Variants in ARL6IP4 observed in about 807,000 individuals in gnomAD.
ARL6IP4 encodes ARF like GTPase 6 interacting protein 4.
Under a neutral mutation model 28.1 loss-of-function variants are expected in ARL6IP4, and 24 were observed. That is an observed-to-expected ratio of 0.86 (90% CI 0.62 to 1.20). The LOEUF (loss-of-function observed/expected upper bound fraction) is 1.20, where lower values mean the gene tolerates loss of function less well. ARL6IP4 is among the 50% of genes most tolerant of loss of function. ARL6IP4 has a pLI of 0.00. For synonymous variants in ARL6IP4, 162 were observed against 122.3 expected (o/e 1.32, Z -2.14); for missense variants, 343 against 302.4 (o/e 1.13, Z -1.00).
chr12:122,982,697 C>T lies in ARL6IP4; in HGVS notation c.*21C>T. The T allele has an allele frequency of 1.2e-6, 2 of 1,611,074 alleles. No individual in the cohort carries two copies. The highest frequency in any genetic ancestry group is 2.2e-5 in the East Asian group (1 of 44,870). ...CCTGAGGGCCCCCGCTGGCCAAGGC[C>T]TGTGGACGACGCTGGCGGCCCAGCC... On this transcript the variant is annotated 3_prime_UTR_variant, in exon 6 of 6. Transcript: ENST00000315580.
rs774186484 is a variant in ARL6IP4, at chr12:122,982,728, A to G, written c.*52A>G. 1.3e-6 allele frequency: 2 copies of G among 1,582,462 alleles called. No homozygotes were observed. The highest frequency in any genetic ancestry group is 1.7e-6 in the Non-Finnish European group (2 of 1,156,502). ...ACGACGCTGGCGGCCCAGCCTGGGC[A>G]GGTTTCAGGGTGCCAGTGGGAAGCC... is the stretch of plus-strand genomic sequence containing the variant. On this transcript the variant is annotated 3_prime_UTR_variant, in exon 6 of 6. Coordinates refer to ENST00000315580, the MANE Select transcript of ARL6IP4 (RefSeq NM_018694.4).
upstream of ARL6IP4, chr12:122,980,672 G>C: frequency 2.2e-6 from 3 of 1,356,780 alleles, no homozygotes; most frequent in Non-Finnish European, 2.8e-6. Flanking sequence ...CAGCGCCCCG[G>C]CCGGAAGCCT....
At chr12:122,980,848 C>CG (rs2037613105) in intron 1 of ARL6IP4, 103 bp downstream of exon 1, 1 of 1,332,214 alleles carries the variant, frequency 7.5e-7, no homozygotes, top group Non-Finnish European at 9.5e-7. Context: ...AGACGCCACT[C>CG]GCGGCGGACG....
At position 122,981,130 on chromosome 12, in the gene ARL6IP4, C is replaced by G. The variant is rs1304779341; in HGVS notation, c.-10C>G. Reference sequence around the variant, plus strand: ...CAAGCGCGTCTTCTTCGTCGCCAGCCCGCGGCGCCATGGCTCACGTCGGCT... The same window carrying G: ...CAAGCGCGTCTTCTTCGTCGCCAGCGCGCGGCGCCATGGCTCACGTCGGCT... On this transcript the variant is annotated splice_region_variant and 5_prime_UTR_variant, in exon 2 of 6. Transcript: ENST00000315580. 3 of 1,547,816 alleles carry G rather than the reference C, an allele frequency of 1.9e-6. No individual in the cohort carries two copies. The highest frequency in any genetic ancestry group is 4.9e-5 in the East Asian group (2 of 40,680).
chr12:122,982,649 C>T lies in ARL6IP4; in HGVS notation c.687C>T (p.Phe229=), dbSNP rs1049906103. The part of the protein sequence containing the change: ...KQATRGDCLA[F]QMRAGLLP ...CCACCCGAGGGGACTGCCTGGCCTT[C>T]CAGATGCGAGCTGGGTTGCTTCCCT... The change falls in exon 6 of 6, where the codon TTC becomes TTT. Residue 229 remains phenylalanine (F), a synonymous_variant. Coordinates refer to ENST00000315580, the MANE Select transcript of ARL6IP4 (RefSeq NM_018694.4). 3.1e-6 allele frequency: 5 copies of T among 1,613,928 alleles called. No individual in the cohort carries two copies. The African/African-American group carries it at 5.3e-5, about 17-fold the overall frequency.
Position 122,981,117 on chromosome 12 carries a change from C to A in ARL6IP4, c.-11-12C>A. 1 of 1,546,836 alleles carries A rather than the reference C, an allele frequency of 6.5e-7. No individual in the cohort carries two copies. Among genetic ancestry groups the A allele is most frequent in the Non-Finnish European group, 8.7e-7 (1 of 1,145,490 alleles). ...GGGGGCTTCGGCTCAAGCGCGTCTTCTTCGTCGCCAGCCCGCGGCGCCATG... is the reference window on the plus strand; with the variant it reads ...GGGGGCTTCGGCTCAAGCGCGTCTTATTCGTCGCCAGCCCGCGGCGCCATG... On this transcript the variant is annotated splice_polypyrimidine_tract_variant and intron_variant, in intron 1 of 5. Transcript: ENST00000315580.
chr12:122,980,577 G>A (rs1185967759), upstream of ARL6IP4: 1 of 1,377,708 alleles, frequency 7.3e-7, no homozygotes, highest in East Asian at 3.0e-5. Flanking sequence ...TGCCTCTGCG[G>A]GAGGTGGGCG....
In ARL6IP4 at chr12:122,982,895, G is replaced by GC; in HGVS notation, c.*224dup. The GC allele has an allele frequency of 1.7e-6, 1 of 603,484 alleles. No individual in the cohort carries two copies. The highest frequency in any genetic ancestry group is 2.9e-6 in the Non-Finnish European group (1 of 339,738). 37.4% of individuals were successfully genotyped at this position (603,484 alleles called of 1,614,324 possible). A position where few individuals can be genotyped will look rare whatever the true frequency, so the allele number is the denominator to read the frequency against. On this transcript the variant is annotated 3_prime_UTR_variant, in exon 6 of 6. Coordinates refer to ENST00000315580, the MANE Select transcript of ARL6IP4 (RefSeq NM_018694.4). ...GAGCAGCACTTCTCAGCTATTAAAG[G>GC]CCCCCTGGATAGACTTTCTCTGTTC...
Position 122,980,684 on chromosome 12 carries a change from C to T in ARL6IP4, c.-73C>T. 3.0e-6 allele frequency: 4 copies of T among 1,343,790 alleles called. No individual in the cohort carries two copies. Among genetic ancestry groups the T allele is most frequent in the Non-Finnish European group, 3.8e-6 (4 of 1,053,510 alleles). The allele number at this position is 1,343,790 out of a possible 1,614,324, so 83.2% of individuals were successfully genotyped here. On this transcript the variant is annotated 5_prime_UTR_variant, in exon 1 of 6. Coordinates refer to ENST00000315580, the MANE Select transcript of ARL6IP4 (RefSeq NM_018694.4). ...GCGCAGCGCCCCGGCCGGAAGCCTC[C>T]TCGCCGCCGCTTCCTCTCGAGAAGG...
upstream of ARL6IP4, chr12:122,980,234 G>A (rs181472711): frequency 1.6e-6 from 2 of 1,234,068 alleles, no homozygotes; most frequent in Non-Finnish European, 2.0e-6. Context: ...AGCTGGAGCA[G>A]AATCCTGGCT....
rs756027723 is a variant in ARL6IP4, at chr12:122,982,704, C to T, written c.*28C>T. ...GCCCCCGCTGGCCAAGGCCTGTGGA[C>T]GACGCTGGCGGCCCAGCCTGGGCAG... On this transcript the variant is annotated 3_prime_UTR_variant, in exon 6 of 6. Transcript: ENST00000315580. The T allele has an allele frequency of 2.4e-5, 38 of 1,607,274 alleles. No homozygotes were observed. Among genetic ancestry groups the T allele is most frequent in the Middle Eastern group, 1.8e-4 (1 of 5,456 alleles).
intron 1 of ARL6IP4, 153 bp downstream of exon 1, chr12:122,980,898 G>C: frequency 1.5e-6 from 2 of 1,360,338 alleles, no homozygotes; most frequent in Non-Finnish European, 1.9e-6. Context: ...GTGCGCAGGC[G>C]TGGGGCCTCC....
chr12:122,982,866 G>A lies in ARL6IP4; in HGVS notation c.*190G>A. On this transcript the variant is annotated 3_prime_UTR_variant, in exon 6 of 6. Transcript: ENST00000315580. ...ACCGGCCTGCTTGGCACCCCCATCT[G>A]AAAGAGCAGCACTTCTCAGCTATTA... is the stretch of plus-strand genomic sequence containing the variant. 1 of 625,966 alleles carries A rather than the reference G, an allele frequency of 1.6e-6. No homozygotes were observed. Among genetic ancestry groups the A allele is most frequent in the Non-Finnish European group, 2.8e-6 (1 of 356,312 alleles). The allele number at this position is 625,966 out of a possible 1,614,324, so 38.8% of individuals were successfully genotyped here.
upstream of ARL6IP4, chr12:122,980,532 A>T: frequency 7.3e-7 from 1 of 1,367,848 alleles, no homozygotes; most frequent in Non-Finnish European, 9.4e-7. Context: ...CACAGGCGTG[A>T]GGGGCTGCGG....
At position 122,980,741 on chromosome 12, in the gene ARL6IP4, T is replaced by A. The variant is rs1463849992; in HGVS notation, c.-16T>A. On this transcript the variant is annotated 5_prime_UTR_variant, in exon 1 of 6. Coordinates refer to ENST00000315580, the MANE Select transcript of ARL6IP4 (RefSeq NM_018694.4). ...GCGGGCTGTCCGGCCCGCAGGGCGG[T>A]CGAGGTGGGAACGGAGCAGCCCCGG... is the stretch of plus-strand genomic sequence containing the variant. The A allele has an allele frequency of 1.5e-6, 2 of 1,319,710 alleles. No individual in the cohort carries two copies. The highest frequency in any genetic ancestry group is 1.9e-6 in the Non-Finnish European group (2 of 1,039,580). 81.8% of individuals were successfully genotyped at this position (1,319,710 alleles called of 1,614,324 possible).
Position 122,981,937 on chromosome 12 carries a change from A to G in ARL6IP4, c.470-20A>G. The G allele has an allele frequency of 6.2e-7, 1 of 1,613,190 alleles. No individual in the cohort carries two copies. ...GGTCGCTTCCCAAGGCCTGGCCACC[A>G]CCTCCGTCTTCCCTTCCAGTCCTGA... On this transcript the variant is annotated intron_variant, in intron 3 of 5. Transcript: ENST00000315580.
intron 4 of ARL6IP4, 196 bp from the exon 5 acceptor site, chr12:122,982,273 G>A: frequency 1.3e-6 from 1 of 799,740 alleles, no homozygotes; most frequent in Non-Finnish European, 2.0e-6. Flanking sequence ...GCTGTTGTTG[G>A]CCGGGCTGAG....
At position 122,982,628 on chromosome 12, in the gene ARL6IP4, C is replaced by A. The variant is rs983972725; in HGVS notation, c.666C>A (p.Thr222=). The A allele has an allele frequency of 1.2e-6, 2 of 1,613,970 alleles. No individual in the cohort carries two copies. The highest frequency in any genetic ancestry group is 3.3e-5 in the Admixed American group (2 of 60,006). The change falls in exon 6 of 6, where the codon ACC becomes ACA. Residue 222 remains threonine (T), a synonymous_variant. Transcript: ENST00000315580. ...TGTGCTTTCTTCCCCAGCAAGCCACCCGAGGGGACTGCCTGGCCTTCCAGA... is the reference window on the plus strand; with the variant it reads ...TGTGCTTTCTTCCCCAGCAAGCCACACGAGGGGACTGCCTGGCCTTCCAGA... ...ERHREINKQA[T]RGDCLAFQMR... is the part of the protein sequence containing the mutation.
In ARL6IP4 at chr12:122,981,632, C is replaced by T. The variant is rs1354061486; in HGVS notation, c.222C>T (p.Ser74=). Residue 74 remains serine (S), a synonymous_variant, in exon 3 of 6, where the codon TCC becomes TCT. Coordinates refer to ENST00000315580, the MANE Select transcript of ARL6IP4 (RefSeq NM_018694.4). ...AGAAGGCCCGGAGGAGAACAAGATC[C>T]AGCTCCTCCTCCTCTTCTTCCAGTT... The part of the protein sequence containing the change: ...SKQKARRRTR[S]SSSSSSSSSS... 1.3e-6 allele frequency: 2 copies of T among 1,561,204 alleles called. No individual in the cohort carries two copies. The highest frequency in any genetic ancestry group is 1.7e-6 in the Non-Finnish European group (2 of 1,153,878).
Sources: allele counts gnomAD v4.1 joint callset, GRCh38; gene constraint gnomAD v4.1.1; transcripts MANE v1.5; gene names NCBI Gene and HGNC (gene_info 2026-07-23, HGNC 2026-07-21).